The following CACNA1B variants were observed in gnomAD, a reference collection of about 807,000 sequenced individuals.
CACNA1B encodes the protein calcium voltage-gated channel subunit alpha1 B, also known as voltage-dependent N-type calcium channel subunit alpha-1B.
A neutral mutation model predicts 247.2 loss-of-function variants in CACNA1B; 70 were observed. The ratio of observed to expected loss-of-function variants is 0.28; its 90% CI spans 0.23 to 0.35. The LOEUF is 0.35. Among genes scored for constraint, CACNA1B ranks in the 10% least tolerant of loss-of-function variants. The pLI, the probability that CACNA1B is intolerant of heterozygous loss-of-function variation, is 1.00. For missense variants in CACNA1B, 2,367 were observed against 3,197.4 expected, an observed-to-expected ratio of 0.74 and a Z score of 6.26; for synonymous variants, 1,231 against 1,294.4, an observed-to-expected ratio of 0.95 and a Z score of 1.05.
intron 31 of CACNA1B, among the ~76,000 whole-genome samples, chr9:138,061,621 A>C (rs1259764269): frequency 5.9e-5 from 9 of 152,164 alleles, no homozygotes; most frequent in Admixed American, 2.0e-4. Context: ...GCTCACATGC[A>C]TCCCCTGCGT....
At chr9:137,965,373 G>C (rs1958062564) in intron 10 of CACNA1B, among the ~76,000 whole-genome samples, 1 of 152,214 alleles carries the variant, frequency 6.6e-6, no homozygotes, top group Admixed American at 6.5e-5. Context: ...TGGATTATAG[G>C]TATATTTATT....
intron 31 of CACNA1B, among the ~76,000 whole-genome samples, chr9:138,061,463 G>A (rs960391155): frequency 3.9e-5 from 6 of 152,082 alleles, no homozygotes; most frequent in African/African-American, 1.2e-4. Context: ...CAGTACCATC[G>A]ATTGGCCGTT....
At chr9:137,906,271 C>T (rs993117535) in intron 3 of CACNA1B, among the ~76,000 whole-genome samples, 2 of 152,208 alleles carry the variant, frequency 1.3e-5, no homozygotes, top group Admixed American at 6.5e-5. Context: ...AGGGTGACTC[C>T]TAAGGCCGCT....
intron 36 of CACNA1B, among the ~76,000 whole-genome samples, chr9:138,088,907 G>A (rs1043521115): frequency 5.6e-4 from 76 of 134,912 alleles, no homozygotes; most frequent in African/African-American, 1.8e-3. Context: ...TGTAGTGACC[G>A]GAGATCGCGC....
chr9:138,093,667 G>C (rs1960956414), intron 36 of CACNA1B, among the ~76,000 whole-genome samples: 1 of 151,946 alleles, frequency 6.6e-6, no homozygotes. Context: ...TTGAACCTGG[G>C]AGGTGGAGGC....
chr9:138,120,313 G>A lies in CACNA1B; in HGVS notation c.6179G>A (p.Arg2060Lys), dbSNP rs557627895. ...CACCACCACCGCTGCCACCGCCGCA[G>A]GGACAGGAAGCAGAGGTCCCTGGAG... The part of the protein sequence containing the change: ...HHHHHRCHRR[R>K]DRKQRSLEKG... The change falls in exon 45 of 47, where the codon AGG (arginine) becomes AAG (lysine). Residue 2060 changes from arginine to lysine, a missense_variant. By Grantham distance (26) the Arg-to-Lys change is conservative (BLOSUM62 2). This residue lies in a region of CACNA1B where 773 missense variants were observed against 779.4 expected (regional missense o/e 0.99). Transcript: ENST00000371372. 4.9e-5 allele frequency: 76 copies of A among 1,566,552 alleles called. 2 individuals carry two copies. In the South Asian group the frequency reaches 7.7e-4, roughly 16 times the overall value.
At chr9:137,962,439 TTTGTTTGCTC>T (rs1958031311) in intron 10 of CACNA1B, among the ~76,000 whole-genome samples, 1 of 152,100 alleles carries the variant, frequency 6.6e-6, no homozygotes, top group African/African-American at 2.4e-5. Flanking sequence ...AGCTTTGGGG[TTTGTTTGCTC>T]TTGGTTCTCT....
In CACNA1B at chr9:137,913,146, C is replaced by G. The variant is rs770670593; in HGVS notation, c.531-34C>G. ...TCCTCTTCCAGGCTCAATGTGGAAA[C>G]CTTTACTTCCCTTCTTCTCCTTGTT... is the stretch of plus-strand genomic sequence containing the variant. On this transcript the variant is annotated intron_variant, in intron 3 of 46. Transcript: ENST00000371372. This position sits in a 1 kb window ranked among gnomAD's most constrained non-coding sequence, Gnocchi z 5.2. 5 of 1,578,348 alleles carry G rather than the reference C, an allele frequency of 3.2e-6. No homozygotes were observed. The highest frequency in any genetic ancestry group is 4.4e-6 in the Non-Finnish European group (5 of 1,148,282).
chr9:138,049,980 T>C (rs912236717), intron 24 of CACNA1B: 13 of 848,116 alleles, frequency 1.5e-5, no homozygotes, highest in Non-Finnish European at 2.0e-5. Context: ...ACGACAGACA[T>C]GAGGGAGGGT....
Position 138,047,044 on chromosome 9 carries a change from CG to C in CACNA1B, c.3543+13del. 1 of 1,600,144 alleles carries C rather than the reference CG, an allele frequency of 6.2e-7. No homozygotes were observed. The highest frequency in any genetic ancestry group is 8.5e-7 in the Non-Finnish European group (1 of 1,171,192). ...TCGCCCAGGAACAACGTGAGTGGCC[CG>C]GATGGCCGGGTCCCCGCCAGGCTGT... is the stretch of plus-strand genomic sequence containing the variant. On this transcript the variant is annotated intron_variant, in intron 22 of 46. Transcript: ENST00000371372.
chr9:138,070,651 G>T (rs997260713), intron 32 of CACNA1B, among the ~76,000 whole-genome samples: 1 of 152,236 alleles, frequency 6.6e-6, no homozygotes, highest in African/African-American at 2.4e-5. Context: ...AGCGTTTTGA[G>T]AAAATACCAT....
chr9:138,086,040 G>A (rs768733573), intron 36 of CACNA1B, among the ~76,000 whole-genome samples: 9 of 151,174 alleles, frequency 6.0e-5, no homozygotes, highest in South Asian at 4.2e-4. Context: ...CCACTAAACC[G>A]TAATGATAAA....
intron 39 of CACNA1B, among the ~76,000 whole-genome samples, 188 bp downstream of exon 39, chr9:138,105,995 A>T (rs1171183399): frequency 6.6e-6 from 1 of 152,206 alleles, no homozygotes; most frequent in Non-Finnish European, 1.5e-5. Flanking sequence ...CCGTCTGCAC[A>T]TTAGCACTGC....
intron 3 of CACNA1B, among the ~76,000 whole-genome samples, chr9:137,911,507 C>T (rs1190274525): frequency 6.6e-6 from 1 of 152,234 alleles, no homozygotes; most frequent in Non-Finnish European, 1.5e-5. Context: ...CCTCTGCCTC[C>T]TGGGCTCAAG....
chr9:137,969,235 C>G (rs146331214), intron 10 of CACNA1B, among the ~76,000 whole-genome samples: 194 of 152,356 alleles, frequency 1.3e-3, no homozygotes, highest in African/African-American at 4.6e-3. Context: ...AGTCCCCTGG[C>G]TCTGGCGCCT....
At chr9:138,065,365 G>C (rs1038796622) in intron 31 of CACNA1B, among the ~76,000 whole-genome samples, 2 of 152,130 alleles carry the variant, frequency 1.3e-5, no homozygotes, top group Admixed American at 6.5e-5. Context: ...TTGGAAGTGA[G>C]GTGGAACTTG....
Position 138,121,163 on chromosome 9 carries a change from G to C in CACNA1B, c.6489+282G>C, listed in dbSNP as rs1019887550. Among the ~76,000 whole-genome samples the C allele has an allele frequency of 6.6e-6, 1 of 152,000 alleles. No individual in the cohort carries two copies. On this transcript the variant is annotated intron_variant, in intron 46 of 46. Transcript: ENST00000371372. This position sits in a 1 kb window ranked among gnomAD's most constrained non-coding sequence, Gnocchi z 6.8. ...GCCCCCAAATACTTACCTCTCTCTCGGTCACTTAACTCTCCTTCCCTGACT... is the reference window on the plus strand; with the variant it reads ...GCCCCCAAATACTTACCTCTCTCTCCGTCACTTAACTCTCCTTCCCTGACT...
chr9:138,023,327 G>A lies in CACNA1B; in HGVS notation c.2584G>A (p.Ala862Thr). The A allele has an allele frequency of 6.6e-7, 1 of 1,504,644 alleles. No homozygotes were observed. Among genetic ancestry groups the A allele is most frequent in the Non-Finnish European group, 8.8e-7 (1 of 1,135,160 alleles). The allele number at this position is 1,504,644 out of a possible 1,614,324, so 93.2% of individuals were successfully genotyped here. A position where few individuals can be genotyped will look rare whatever the true frequency, so the allele number is the denominator to read the frequency against. The change falls in exon 19 of 47, where the codon GCG becomes ACG. Residue 862 changes from alanine (A) to threonine (T), a missense_variant. Physicochemically the swap from Ala to Thr is moderately conservative, Grantham distance 58. Transcript: ENST00000371372. ...HRHRDKDKTP[A>T]AGDQDRAEAP... ...GCACCGCGACAAGGACAAGACCCCC[G>A]CGGCGGGGGACCAGGACCGAGCAGA...
intron 15 of CACNA1B, among the ~76,000 whole-genome samples, chr9:137,996,315 T>C (rs938518069): frequency 6.6e-6 from 1 of 152,206 alleles, no homozygotes. Flanking sequence ...CAGTATACTA[T>C]AGAATACTAC....
Sources: allele counts gnomAD v4.1 joint callset (sites outside exome capture counted in the v4.1 genomes callset), GRCh38; gene constraint gnomAD v4.1.1; regional missense constraint gnomAD v4.1.1; non-coding constraint Gnocchi (gnomAD v3.1); transcripts MANE v1.5; gene names NCBI Gene and HGNC (gene_info 2026-07-23, HGNC 2026-07-21).